CADPS2: variants seen among roughly 807,000 people sequenced by gnomAD.
The protein encoded by CADPS2 is calcium dependent secretion activator 2.
Under a neutral mutation model 172.5 loss-of-function variants are expected in CADPS2, and 93 were observed. The ratio of observed to expected loss-of-function variants is 0.54; its 90% CI spans 0.46 to 0.64. The LOEUF is 0.64. Among genes scored for constraint, CADPS2 ranks in the 30% least tolerant of loss-of-function variants. The pLI, the probability that CADPS2 is intolerant of heterozygous loss-of-function variation, is 0.00. For missense variants in CADPS2, 1,420 were observed against 1,565.9 expected, an observed-to-expected ratio of 0.91 and a Z score of 1.57; for synonymous variants, 546 against 555.2, an observed-to-expected ratio of 0.98 and a Z score of 0.23.
chr7:122,373,542 C>A (rs191536608), intron 25 of CADPS2, among the ~76,000 whole-genome samples: 2 of 152,138 alleles, frequency 1.3e-5, no homozygotes, highest in Admixed American at 6.5e-5. Flanking sequence ...CTGGCCCACA[C>A]AACATTTCTA....
chr7:122,601,616 T>C (rs1018483446), intron 6 of CADPS2, among the ~76,000 whole-genome samples: 1 of 152,044 alleles, frequency 6.6e-6, no homozygotes, highest in African/African-American at 2.4e-5. Flanking sequence ...CTTTAAATAA[T>C]GTTACATGAA....
intron 15 of CADPS2, among the ~76,000 whole-genome samples, chr7:122,446,475 A>C (rs1364973559): frequency 6.6e-6 from 1 of 152,170 alleles, no homozygotes; most frequent in East Asian, 1.9e-4. Context: ...AAACCTAATG[A>C]GTACTCTATA....
intron 28 of CADPS2, among the ~76,000 whole-genome samples, chr7:122,338,012 G>C (rs1899692): frequency 0.19 from 29,480 of 152,188 alleles, 3,117 homozygotes; most frequent in African/African-American, 0.26. Context: ...AGACACTGCT[G>C]CTATCATATA....
intron 28 of CADPS2, chr7:122,338,802 C>T (rs1470835577): frequency 2.0e-5 from 3 of 152,144 alleles, no homozygotes; most frequent in Admixed American, 6.5e-5. Flanking sequence ...TGCTCTGTCA[C>T]CTAGGCTGTA....
At chr7:122,326,792 A>G (rs2033966190) in intron 28 of CADPS2, among the ~76,000 whole-genome samples, 2 of 152,086 alleles carry the variant, frequency 1.3e-5, no homozygotes, top group African/African-American at 4.8e-5. Flanking sequence ...CATTGATCCA[A>G]TACAATTTAG....
At chr7:122,772,726 C>T (rs933642150) in intron 1 of CADPS2, among the ~76,000 whole-genome samples, 1 of 152,066 alleles carries the variant, frequency 6.6e-6, no homozygotes, top group African/African-American at 2.4e-5. Context: ...GAGAGACATA[C>T]CATATGTTTC....
chr7:122,525,220 C>T (rs1236644468), intron 8 of CADPS2, among the ~76,000 whole-genome samples: 5 of 152,060 alleles, frequency 3.3e-5, no homozygotes. Flanking sequence ...TCCTGAAAGG[C>T]CTCTTCTTCT....
intron 3 of CADPS2, among the ~76,000 whole-genome samples, chr7:122,635,179 T>G (rs2076947008): frequency 6.6e-6 from 1 of 152,194 alleles, no homozygotes; most frequent in Non-Finnish European, 1.5e-5. Flanking sequence ...GGTTAAGTGT[T>G]GAGTTTAATT....
intron 8 of CADPS2, among the ~76,000 whole-genome samples, chr7:122,549,791 G>A (rs551731223): frequency 1.3e-5 from 2 of 152,056 alleles, no homozygotes; most frequent in South Asian, 2.1e-4. Context: ...GTCAGATGTC[G>A]AAACATAGTT....
chr7:122,666,755 G>A (rs961236404), intron 2 of CADPS2, among the ~76,000 whole-genome samples: 8 of 152,114 alleles, frequency 5.3e-5, no homozygotes, highest in African/African-American at 7.2e-5. Flanking sequence ...GCAGCAACCC[G>A]TGGGCAGCTT....
chr7:122,559,684 T>C (rs192890320), intron 7 of CADPS2, among the ~76,000 whole-genome samples: 153 of 143,064 alleles, frequency 1.1e-3, no homozygotes, highest in African/African-American at 3.3e-3. Context: ...GACAGGAGAA[T>C]AGCTTGAACC....
chr7:122,374,897 A>G (rs1344932059), intron 25 of CADPS2, among the ~76,000 whole-genome samples: 1 of 152,188 alleles, frequency 6.6e-6, no homozygotes, highest in Non-Finnish European at 1.5e-5. Context: ...ATATATCTGT[A>G]TACTAACAAT....
chr7:122,746,535 G>A (rs1327905667), intron 1 of CADPS2, among the ~76,000 whole-genome samples: 1 of 152,006 alleles, frequency 6.6e-6, no homozygotes, highest in East Asian at 1.9e-4. Flanking sequence ...CCAATCTTTT[G>A]GCTTCCCTGG....
At chr7:122,558,192 T>C (rs2132109334) in intron 7 of CADPS2, among the ~76,000 whole-genome samples, 1 of 152,268 alleles carries the variant, frequency 6.6e-6, no homozygotes, top group South Asian at 2.1e-4. Context: ...AAGTAAATAA[T>C]GAAGAATTGT....
intron 3 of CADPS2, among the ~76,000 whole-genome samples, chr7:122,645,514 T>A (rs9691018): frequency 8.9e-6 from 1 of 112,202 alleles, no homozygotes; most frequent in Non-Finnish European, 1.8e-5. Context: ...ATATATATAC[T>A]TATATATATA....
At chr7:122,794,701 A>G (rs1232659058) in intron 1 of CADPS2, among the ~76,000 whole-genome samples, 2 of 151,814 alleles carry the variant, frequency 1.3e-5, no homozygotes, top group Non-Finnish European at 2.9e-5. Flanking sequence ...TCTAAAATCA[A>G]TCACATAATC....
intron 15 of CADPS2, among the ~76,000 whole-genome samples, chr7:122,450,625 G>T (rs1484537382): frequency 7.2e-6 from 1 of 138,948 alleles, no homozygotes; most frequent in Non-Finnish European, 1.5e-5. Context: ...GACCTCCCCA[G>T]AATCAGGTGA....
chr7:122,602,196 GA>G (rs11297289), intron 6 of CADPS2, among the ~76,000 whole-genome samples: 56,066 of 147,650 alleles, frequency 0.38, 11,653 homozygotes, highest in African/African-American at 0.57. Flanking sequence ...CCAAATTAAG[GA>G]AAAAAAAAAA....
At chr7:122,654,375 C>T (rs1033264341) in intron 3 of CADPS2, among the ~76,000 whole-genome samples, 1 of 152,180 alleles carries the variant, frequency 6.6e-6, no homozygotes, top group African/African-American at 2.4e-5. Context: ...GAGAAGAAGT[C>T]AATGCCTGGT....
Sources: allele counts gnomAD v4.1 joint callset (sites outside exome capture counted in the v4.1 genomes callset), GRCh38; gene constraint gnomAD v4.1.1; transcripts MANE v1.5; gene names NCBI Gene and HGNC (gene_info 2026-07-23, HGNC 2026-07-21).